Variants in FUT9 observed in about 807,000 individuals in gnomAD.
FUT9 encodes the protein fucosyltransferase 9.
A neutral mutation model predicts 29.7 loss-of-function variants in FUT9; 15 were observed. That is an observed-to-expected ratio of 0.51 (90% CI 0.34 to 0.78). The LOEUF (loss-of-function observed/expected upper bound fraction) is 0.78. Ranked by LOEUF, FUT9 falls within the 30% of genes least tolerant of loss-of-function variation. FUT9 has a pLI of 0.01. For synonymous variants in FUT9, 169 were observed against 153.7 expected (o/e 1.10, Z -0.74); for missense variants, 319 against 425.4 (o/e 0.75, Z 2.20).
chr6:96,201,960 T>C (rs1773733031), intron 2 of FUT9, among the ~76,000 whole-genome samples: 1 of 151,748 alleles, frequency 6.6e-6, no homozygotes, highest in Non-Finnish European at 1.5e-5. Flanking sequence ...ATTTAGGTAA[T>C]TAAATGAAGG....
chr6:96,104,317 T>C (rs1038925945), intron 1 of FUT9, among the ~76,000 whole-genome samples: 6 of 152,218 alleles, frequency 3.9e-5, no homozygotes, highest in Admixed American at 3.9e-4. Context: ...TTTAGTAATG[T>C]TTTCACTTTT....
chr6:96,101,217 A>G (rs960174930), intron 1 of FUT9, among the ~76,000 whole-genome samples: 1 of 152,216 alleles, frequency 6.6e-6, no homozygotes. Context: ...ATCTTCAAGA[A>G]TAATGTTTGA....
intron 1 of FUT9, among the ~76,000 whole-genome samples, chr6:96,070,229 A>G (rs1771035312): frequency 6.6e-6 from 1 of 152,230 alleles, no homozygotes; most frequent in Non-Finnish European, 1.5e-5. Context: ...TCTTTGTCCC[A>G]GAATTGATAT....
At chr6:96,168,731 G>A (rs1773058092) in intron 2 of FUT9, among the ~76,000 whole-genome samples, 1 of 152,174 alleles carries the variant, frequency 6.6e-6, no homozygotes, top group South Asian at 2.1e-4. Flanking sequence ...ATCAGTAGAT[G>A]GCAGGGAAGT....
chr6:96,021,474 A>C (rs1172573084), intron 1 of FUT9, among the ~76,000 whole-genome samples: 1 of 152,024 alleles, frequency 6.6e-6, no homozygotes, highest in Non-Finnish European at 1.5e-5. Context: ...ATCTTCAAGG[A>C]ATATTCACAG....
intron 1 of FUT9, among the ~76,000 whole-genome samples, chr6:96,104,974 T>A (rs1414233475): frequency 6.6e-6 from 1 of 152,152 alleles, no homozygotes; most frequent in Non-Finnish European, 1.5e-5. Context: ...TAAAGAGTCA[T>A]CTCGAGGCTT....
At chr6:96,035,873 A>ACAT (rs1770351701) in intron 1 of FUT9, among the ~76,000 whole-genome samples, 1 of 106,958 alleles carries the variant, frequency 9.3e-6, no homozygotes, top group Non-Finnish European at 2.1e-5. Context: ...TTAATATAAT[A>ACAT]TAATACATTA....
At chr6:96,199,593 G>A (rs7742385) in intron 2 of FUT9, among the ~76,000 whole-genome samples, 138,757 of 152,100 alleles carry the variant, frequency 0.91, 64,657 homozygotes, top group Non-Finnish European at 1. Flanking sequence ...AAATGTTCTG[G>A]ATAGATGCTA....
intron 2 of FUT9, among the ~76,000 whole-genome samples, chr6:96,152,323 G>A (rs990333861): frequency 6.6e-6 from 1 of 152,134 alleles, no homozygotes; most frequent in African/African-American, 2.4e-5. Context: ...AGATTTATAT[G>A]TGGATATCGC....
At chr6:96,025,900 A>G (rs1770158814) in intron 1 of FUT9, among the ~76,000 whole-genome samples, 1 of 151,744 alleles carries the variant, frequency 6.6e-6, no homozygotes, top group South Asian at 2.1e-4. Context: ...TTTATTTTTC[A>G]CAGCAATAGC....
At chr6:96,191,328 C>G (rs950015524) in intron 2 of FUT9, among the ~76,000 whole-genome samples, 1 of 151,940 alleles carries the variant, frequency 6.6e-6, no homozygotes, top group Non-Finnish European at 1.5e-5. Flanking sequence ...ATTGATAGAC[C>G]ACTAGCAAGA....
chr6:96,081,130 T>A (rs377287847), intron 1 of FUT9, among the ~76,000 whole-genome samples: 1 of 151,838 alleles, frequency 6.6e-6, no homozygotes, highest in African/African-American at 2.4e-5. Context: ...AAATATTTCA[T>A]GAAAGAAACA....
rs1193471946 is a variant in FUT9, at chr6:96,207,306, T to C, written c.*3071T>C. 1 of 166,980 alleles carries C rather than the reference T, an allele frequency of 6.0e-6. No homozygotes were observed. The highest frequency in any genetic ancestry group is 1.5e-5 in the Non-Finnish European group (1 of 68,092). The allele number at this position is 166,980 out of a possible 1,614,324, so 10.3% of individuals were successfully genotyped here. On this transcript the variant is annotated 3_prime_UTR_variant, in exon 3 of 3. Coordinates refer to ENST00000302103, the MANE Select transcript of FUT9 (RefSeq NM_006581.4). ...GATTTAAGGATCCTATCTTTCTTTA[T>C]CCCACTTTCTTTTCAATCGCATTCA...
chr6:96,134,743 G>A (rs1772316018), intron 2 of FUT9, among the ~76,000 whole-genome samples: 1 of 151,816 alleles, frequency 6.6e-6, no homozygotes. Flanking sequence ...AAAGTCCACA[G>A]AAAGCAGGAA....
chr6:96,171,210 G>A (rs1167935949), intron 2 of FUT9, among the ~76,000 whole-genome samples: 1 of 152,192 alleles, frequency 6.6e-6, no homozygotes, highest in Non-Finnish European at 1.5e-5. Flanking sequence ...CTGTTTTCCT[G>A]GAGGATGAAA....
At chr6:96,094,169 T>G (rs545922222) in intron 1 of FUT9, among the ~76,000 whole-genome samples, 16 of 152,166 alleles carry the variant, frequency 1.1e-4, no homozygotes, top group Non-Finnish European at 2.4e-4. Flanking sequence ...AAAGATTACA[T>G]GAAAAATTCC....
rs184622639 is a variant in FUT9, at chr6:96,157,498, G to T, written c.-9+43371G>T. ...GAGTGAACAATACTCCTGGATTTGG[G>T]AGTGTTTATTTTAGTTATAAAGAAA... On this transcript the variant is annotated intron_variant, in intron 2 of 2. Coordinates refer to ENST00000302103, the MANE Select transcript of FUT9 (RefSeq NM_006581.4). Among the ~76,000 whole-genome samples the T allele has an allele frequency of 9.3e-4, 141 of 152,218 alleles. 1 individual carries two copies. The highest frequency in any genetic ancestry group is 2.8e-3 in the African/African-American group (118 of 41,556).
At chr6:96,183,402 T>C (rs1035742626) in intron 2 of FUT9, among the ~76,000 whole-genome samples, 1 of 152,052 alleles carries the variant, frequency 6.6e-6, no homozygotes, top group Admixed American at 6.6e-5. Flanking sequence ...ACAGTGACAG[T>C]TGGACTTCCT....
chr6:96,069,893 AG>A (rs1771029729), intron 1 of FUT9, among the ~76,000 whole-genome samples: 1 of 152,174 alleles, frequency 6.6e-6, no homozygotes, highest in Non-Finnish European at 1.5e-5. Context: ...GGCCTCTCAA[AG>A]TGCTGGGATT....
Sources: gnomAD v4.1 joint callset for allele counts (sites outside exome capture counted in the v4.1 genomes callset) on GRCh38, gnomAD v4.1.1 for gene constraint, MANE v1.5 for transcripts, NCBI Gene and HGNC (gene_info 2026-07-23, HGNC 2026-07-21) for gene names.